Variants in EPM2A observed in about 807,000 individuals in gnomAD.
EPM2A encodes EPM2A glucan phosphatase, laforin.
In EPM2A, 21 loss-of-function variants were observed where a neutral mutation model predicts 26.5. The observed-to-expected ratio is 0.79, with a 90% CI of 0.56 to 1.14. The LOEUF is 1.14. Among genes scored for constraint, EPM2A ranks in the 50% most tolerant of loss-of-function variants. The pLI, the probability that EPM2A is intolerant of heterozygous loss-of-function variation, is 0.00. For synonymous variants in EPM2A, 217 were observed against 177.6 expected (o/e 1.22, Z -1.76); for missense variants, 458 against 440.8 (o/e 1.04, Z -0.35).
At chr6:145,505,871 C>T (rs1352707809) in intron 2 of EPM2A, among the ~76,000 whole-genome samples, 1 of 152,118 alleles carries the variant, frequency 6.6e-6, no homozygotes, top group Non-Finnish European at 1.5e-5. Context: ...TTTAATAGTG[C>T]CACTTTGCTT....
intron 2 of EPM2A, among the ~76,000 whole-genome samples, chr6:145,655,186 GAA>G (rs5880651): frequency 0.013 from 1,793 of 140,738 alleles, 15 homozygotes; most frequent in Admixed American, 0.023. Context: ...ATTTTGCTGT[GAA>G]AAAAAAAAAA....
chr6:145,586,862 C>T (rs1488877714), intron 2 of EPM2A, among the ~76,000 whole-genome samples: 1 of 152,188 alleles, frequency 6.6e-6, no homozygotes, highest in Non-Finnish European at 1.5e-5. Context: ...CACATGATTT[C>T]TGATGGTCCT....
At chr6:145,537,951 C>T (rs1025662393) in intron 2 of EPM2A, among the ~76,000 whole-genome samples, 8 of 152,128 alleles carry the variant, frequency 5.3e-5, no homozygotes, top group African/African-American at 1.7e-4. Context: ...TTTATGGCTG[C>T]ATAGTATTCC....
intron 4 of EPM2A, among the ~76,000 whole-genome samples, chr6:145,443,284 G>C (rs949689508): frequency 6.6e-6 from 1 of 152,160 alleles, no homozygotes; most frequent in African/African-American, 2.4e-5. Context: ...TTGGTAGTTT[G>C]ATAGGAATAG....
At chr6:145,579,086 G>T (rs759879494) in intron 2 of EPM2A, among the ~76,000 whole-genome samples, 5 of 151,860 alleles carry the variant, frequency 3.3e-5, no homozygotes, top group African/African-American at 1.2e-4. Context: ...CACCAACATG[G>T]CACATGTATA....
chr6:145,461,922 C>T (rs950792951), intron 4 of EPM2A, among the ~76,000 whole-genome samples: 1 of 152,088 alleles, frequency 6.6e-6, no homozygotes. Context: ...AGGATATGGG[C>T]GTGTAAAGGA....
At chr6:145,449,817 C>G (rs1779173201) in intron 4 of EPM2A, among the ~76,000 whole-genome samples, 1 of 151,730 alleles carries the variant, frequency 6.6e-6, no homozygotes, top group South Asian at 2.1e-4. Context: ...TATATTATTT[C>G]TAAGAGAGAA....
intron 2 of EPM2A, among the ~76,000 whole-genome samples, chr6:145,597,185 C>T (rs111572732): frequency 2.6e-5 from 4 of 151,802 alleles, no homozygotes; most frequent in Admixed American, 6.6e-5. Context: ...TGAGCCACCG[C>T]GCCCGGCCTC....
chr6:145,424,996 A>G (rs1778834261), intron 4 of EPM2A, among the ~76,000 whole-genome samples: 1 of 152,316 alleles, frequency 6.6e-6, no homozygotes, highest in South Asian at 2.1e-4. Context: ...CTATTTATCT[A>G]ATCTACGTAC....
chr6:145,524,297 C>T (rs1780241990), intron 2 of EPM2A, among the ~76,000 whole-genome samples: 1 of 152,090 alleles, frequency 6.6e-6, no homozygotes, highest in Non-Finnish European at 1.5e-5. Context: ...TGGGTATATA[C>T]CCAGTAATGG....
Position 145,428,774 on chromosome 6 carries a change from A to G in EPM2A, c.556-44677T>C, listed in dbSNP as rs566290620. Among the ~76,000 whole-genome samples the G allele has an allele frequency of 2.0e-5, 3 of 152,370 alleles. No homozygotes were observed. In the South Asian group the frequency reaches 6.2e-4, roughly 32 times the overall value. ...GAAGACCTTAACATCGACAGGCAACATACACCTTATCTTCTTCATCGCACA... is the reference window on the plus strand; with the variant it reads ...GAAGACCTTAACATCGACAGGCAACGTACACCTTATCTTCTTCATCGCACA... On this transcript the variant is annotated intron_variant, in intron 4 of 4. Transcript: ENST00000638717.
At chr6:145,485,006 T>A (rs12198251) in intron 4 of EPM2A, among the ~76,000 whole-genome samples, 132 of 143,498 alleles carry the variant, frequency 9.2e-4, no homozygotes, top group African/African-American at 3.1e-3. Context: ...TATATATATA[T>A]TATATATATA....
At chr6:145,631,738 G>A (rs1776265835) in intron 3 of EPM2A, 1 of 152,212 alleles carries the variant, frequency 6.6e-6, no homozygotes, top group Non-Finnish European at 1.5e-5. Context: ...GGGCAGGTAA[G>A]TCAAGTAGCC....
chr6:145,469,841 A>G (rs1487613523), intron 4 of EPM2A, among the ~76,000 whole-genome samples: 2 of 152,332 alleles, frequency 1.3e-5, no homozygotes, highest in East Asian at 3.9e-4. Flanking sequence ...ATTCAGCCAT[A>G]AAGAAGAATG....
intron 4 of EPM2A, among the ~76,000 whole-genome samples, chr6:145,430,158 C>T (rs930973988): frequency 1.3e-5 from 2 of 151,834 alleles, no homozygotes; most frequent in South Asian, 4.1e-4. Flanking sequence ...CACCATTGCA[C>T]TCCAGCCTGG....
chr6:145,661,532 T>C (rs1159197942), intron 2 of EPM2A, among the ~76,000 whole-genome samples: 1 of 152,218 alleles, frequency 6.6e-6, no homozygotes, highest in Non-Finnish European at 1.5e-5. Context: ...TTATTTAAGC[T>C]GAAAAGCTTT....
chr6:145,632,064 TG>T (rs1776302764), intron 3 of EPM2A: 1 of 152,218 alleles, frequency 6.6e-6, no homozygotes. Flanking sequence ...TCCAACTTTG[TG>T]ATTTTCAAAG....
intron 2 of EPM2A, among the ~76,000 whole-genome samples, chr6:145,541,261 TTA>T (rs1331508043): frequency 1.3e-5 from 2 of 149,786 alleles, no homozygotes; most frequent in African/African-American, 4.9e-5. Context: ...ACATATATAA[TTA>T]TATATGTGTG....
At chr6:145,698,544 C>G (rs1781742546) in intron 1 of EPM2A, among the ~76,000 whole-genome samples, 1 of 150,646 alleles carries the variant, frequency 6.6e-6, no homozygotes, top group South Asian at 2.1e-4. Context: ...CAAAAAACTT[C>G]TATGATTATA....
Sources: gnomAD v4.1 joint callset for allele counts (sites outside exome capture counted in the v4.1 genomes callset) on GRCh38, gnomAD v4.1.1 for gene constraint, MANE v1.5 for transcripts, NCBI Gene and HGNC (gene_info 2026-07-23, HGNC 2026-07-21) for gene names.